The following KATNIP variants were observed in gnomAD, a reference collection of about 807,000 sequenced individuals.
KATNIP encodes the protein katanin-interacting protein.
KATNIP carries 126 observed loss-of-function variants against 174.0 expected under a neutral mutation model. The observed-to-expected ratio is 0.72, with a 90% CI of 0.63 to 0.84. The LOEUF is 0.84. Ranked by LOEUF, KATNIP falls within the 40% of genes least tolerant of loss-of-function variation. The probability of loss-of-function intolerance (pLI) is 0.00; values close to 1 mark genes in which losing one functional copy is unlikely to be tolerated. For synonymous variants in KATNIP, 810 were observed against 835.7 expected (o/e 0.97, Z 0.53); for missense variants, 1,958 against 2,109.7 (o/e 0.93, Z 1.41).
intron 3 of KATNIP, 187 bp from the exon 4 acceptor site, chr16:27,628,474 T>C: frequency 1.7e-6 from 1 of 602,034 alleles, no homozygotes; most frequent in Non-Finnish European, 2.9e-6. Context: ...TGTCTGCCCC[T>C]CGTGGCTTCT....
Position 27,749,888 on chromosome 16 carries a change from C to T in KATNIP, c.2928C>T (p.Arg976=), listed in dbSNP as rs147341550. ...TCCCCGTCTTGCCTTATGGACAGCG[C>T]TTGGTCATTGACATCAAGTCTACCT... ...FKIPVLPYGQ[R]LVIDIKSTWG... is the part of the protein sequence containing the mutation. The change falls in exon 16 of 28, where the codon CGC becomes CGT. Residue 976 remains arginine, a synonymous_variant. Coordinates refer to ENST00000261588, the MANE Select transcript of KATNIP (RefSeq NM_015202.5). 297 of 1,614,216 alleles carry T rather than the reference C, an allele frequency of 1.8e-4. No individual in the cohort carries two copies. The African/African-American group carries it at 3.4e-3, about 18-fold the overall frequency.
chr16:27,725,240 C>T (rs1331541390), intron 14 of KATNIP, among the ~76,000 whole-genome samples: 1 of 152,184 alleles, frequency 6.6e-6, no homozygotes, highest in Non-Finnish European at 1.5e-5. Flanking sequence ...TCTCAATTAA[C>T]CCCCAGTGAT....
intron 6 of KATNIP, among the ~76,000 whole-genome samples, chr16:27,660,712 A>G (rs1413510259): frequency 6.6e-6 from 1 of 151,390 alleles, no homozygotes; most frequent in Non-Finnish European, 1.5e-5. Context: ...CACAGGTGCA[A>G]TTATAGTGCA....
intron 14 of KATNIP, among the ~76,000 whole-genome samples, chr16:27,739,588 A>G (rs1567374346): frequency 6.6e-6 from 1 of 152,184 alleles, no homozygotes; most frequent in Non-Finnish European, 1.5e-5. Flanking sequence ...AGGCTTTTCG[A>G]CGCAGATGGT....
At chr16:27,639,057 CT>C (rs1488667202) in intron 5 of KATNIP, among the ~76,000 whole-genome samples, 1 of 152,164 alleles carries the variant, frequency 6.6e-6, no homozygotes, top group Non-Finnish European at 1.5e-5. Context: ...GGTTTCTCTT[CT>C]TACGGTCTCA....
intron 12 of KATNIP, among the ~76,000 whole-genome samples, chr16:27,708,062 G>C (rs1389606903): frequency 1.3e-5 from 2 of 150,874 alleles, no homozygotes; most frequent in African/African-American, 4.9e-5. Context: ...TTTCACCCAG[G>C]CTGGAATGCA....
intron 14 of KATNIP, among the ~76,000 whole-genome samples, chr16:27,736,342 A>G (rs1175192122): frequency 6.6e-6 from 1 of 152,238 alleles, no homozygotes; most frequent in Non-Finnish European, 1.5e-5. Context: ...GCCCTTGGAC[A>G]AGACGGGCAG....
chr16:27,680,245 C>T (rs932410890), intron 7 of KATNIP, among the ~76,000 whole-genome samples: 3 of 152,252 alleles, frequency 2.0e-5, no homozygotes, highest in Admixed American at 2.0e-4. Context: ...AGGTGTTAGG[C>T]GCACCTGCGG....
At chr16:27,646,592 G>A (rs1034313095) in intron 5 of KATNIP, among the ~76,000 whole-genome samples, 2 of 152,152 alleles carry the variant, frequency 1.3e-5, no homozygotes, top group African/African-American at 4.8e-5. Context: ...GCAGATCCTC[G>A]CAGCCCCAGA....
intron 14 of KATNIP, among the ~76,000 whole-genome samples, chr16:27,724,034 G>T (rs1417506942): frequency 6.6e-6 from 1 of 152,216 alleles, no homozygotes. Context: ...TTGTTTGCTT[G>T]TTTGTTTTTA....
chr16:27,686,136 C>T (rs759854726), intron 8 of KATNIP, among the ~76,000 whole-genome samples: 5 of 152,112 alleles, frequency 3.3e-5, no homozygotes, highest in Non-Finnish European at 5.9e-5. Context: ...ATGTTCACAC[C>T]ACCAGAGACA....
At chr16:27,610,319 A>C (rs2075853582) in intron 2 of KATNIP, among the ~76,000 whole-genome samples, 1 of 152,186 alleles carries the variant, frequency 6.6e-6, no homozygotes, top group South Asian at 2.1e-4. Flanking sequence ...TAGTTTTCAT[A>C]TGGAGCTGAC....
intron 15 of KATNIP, among the ~76,000 whole-genome samples, chr16:27,742,401 C>T (rs537899251): frequency 2.1e-4 from 32 of 152,294 alleles, no homozygotes; most frequent in South Asian, 4.1e-4. Context: ...GATGAGTGCT[C>T]GGTGAGTAGT....
chr16:27,737,990 G>C (rs1043139438), intron 14 of KATNIP, among the ~76,000 whole-genome samples: 1 of 152,126 alleles, frequency 6.6e-6, no homozygotes, highest in Non-Finnish European at 1.5e-5. Flanking sequence ...AGGAACAAGG[G>C]GTAGTGGGAG....
chr16:27,566,396 C>T (rs1022795780), intron 1 of KATNIP, among the ~76,000 whole-genome samples: 2 of 152,014 alleles, frequency 1.3e-5, no homozygotes, highest in South Asian at 2.1e-4. Context: ...ATACACCGGG[C>T]GTGGTGGTGG....
chr16:27,648,610 G>T lies in KATNIP; in HGVS notation c.415G>T (p.Val139Leu). The T allele has an allele frequency of 6.2e-7, 1 of 1,614,152 alleles. No homozygotes were observed. The highest frequency in any genetic ancestry group is 8.5e-7 in the Non-Finnish European group (1 of 1,180,010). Reference sequence around the variant, plus strand: ...GGCCTGCATTTTTGTACAGAAATCTGTGCAGATCAGAACAGAAGCTGGCCC... The same window carrying T: ...GGCCTGCATTTTTGTACAGAAATCTTTGCAGATCAGAACAGAAGCTGGCCC... ...VQRRGWHQKS[V>L]QIRTEAGPRL... Residue 139 changes from valine (V) to leucine (L), a missense_variant, in exon 6 of 28, where the codon GTG becomes TTG. By Grantham distance (32) the Val-to-Leu change is conservative. This residue lies in a region of KATNIP where 1,557 missense variants were observed against 1,617.8 expected (regional missense o/e 0.96). Coordinates refer to ENST00000261588, the MANE Select transcript of KATNIP (RefSeq NM_015202.5).
chr16:27,724,967 A>G (rs983575939), intron 14 of KATNIP, among the ~76,000 whole-genome samples: 11 of 152,128 alleles, frequency 7.2e-5, no homozygotes, highest in African/African-American at 2.7e-4. Context: ...TGAAATCCTC[A>G]TGCTAGCATT....
chr16:27,651,066 G>C (rs963526617), intron 6 of KATNIP, among the ~76,000 whole-genome samples: 1 of 152,166 alleles, frequency 6.6e-6, no homozygotes, highest in Non-Finnish European at 1.5e-5. Flanking sequence ...CTTCAAGCAA[G>C]AGGCCATGGT....
At chr16:27,765,036 T>A (rs1237984968) in intron 19 of KATNIP, among the ~76,000 whole-genome samples, 1 of 152,242 alleles carries the variant, frequency 6.6e-6, no homozygotes, top group Non-Finnish European at 1.5e-5. Flanking sequence ...AAAAGTTTCT[T>A]TTCAAATCTA....
Sources: allele counts gnomAD v4.1 joint callset (sites outside exome capture counted in the v4.1 genomes callset), GRCh38; gene constraint gnomAD v4.1.1; regional missense constraint gnomAD v4.1.1; transcripts MANE v1.5; gene names NCBI Gene and HGNC (gene_info 2026-07-23, HGNC 2026-07-21).